Variants in TOP2A observed in about 807,000 individuals in gnomAD.
The protein encoded by TOP2A is DNA topoisomerase II alpha, also known as DNA topoisomerase 2-alpha.
TOP2A carries 68 observed loss-of-function variants against 187.2 expected under a neutral mutation model. That is an observed-to-expected ratio of 0.36 (90% CI 0.30 to 0.44). TOP2A has a LOEUF of 0.44. TOP2A is among the 20% of genes least tolerant of loss of function. The pLI is 1.00. For synonymous variants in TOP2A, 542 were observed against 593.2 expected, an observed-to-expected ratio of 0.91 and a Z score of 1.25; for missense variants, 1,196 against 1,808.7, an observed-to-expected ratio of 0.66 and a Z score of 6.14.
chr17:40,406,947 A>G lies in TOP2A; in HGVS notation c.1627-5T>C, dbSNP rs1211449771. ...GATGTGGGAACCATCTTGGTCCTAGAAAGATTTGAAAGCCAAAGTTCAAAA... is the reference window on the plus strand; with the variant it reads ...GATGTGGGAACCATCTTGGTCCTAGGAAGATTTGAAAGCCAAAGTTCAAAA... On this transcript the variant is annotated splice_polypyrimidine_tract_variant and splice_region_variant and intron_variant, in intron 13 of 34. Coordinates refer to ENST00000423485, the MANE Select transcript of TOP2A (RefSeq NM_001067.4). 6.3e-6 allele frequency: 10 copies of G among 1,575,372 alleles called. No individual in the cohort carries two copies. The highest frequency in any genetic ancestry group is 8.6e-6 in the Non-Finnish European group (10 of 1,157,090).
rs1304562219 is a variant in TOP2A, at chr17:40,389,510, C to T, written c.*9G>A. 1 of 1,578,704 alleles carries T rather than the reference C, an allele frequency of 6.3e-7. No homozygotes were observed. Among genetic ancestry groups the T allele is most frequent in the African/African-American group, 1.3e-5 (1 of 74,204 alleles). On this transcript the variant is annotated 3_prime_UTR_variant, in exon 35 of 35. Transcript: ENST00000423485. ...GTAAGATAATTACTTAAAATAATCG[C>T]CTCACATTTTAAAACAGATCATCTT...
chr17:40,389,439 A>T lies in TOP2A; in HGVS notation c.*80T>A. The T allele has an allele frequency of 6.8e-7, 1 of 1,477,722 alleles. No individual in the cohort carries two copies. Among genetic ancestry groups the T allele is most frequent in the Non-Finnish European group, 9.1e-7 (1 of 1,100,562 alleles). The allele number at this position is 1,477,722 out of a possible 1,614,324, so 91.5% of individuals were successfully genotyped here. A position where few individuals can be genotyped will look rare whatever the true frequency, so the allele number is the denominator to read the frequency against. On this transcript the variant is annotated 3_prime_UTR_variant, in exon 35 of 35. Coordinates refer to ENST00000423485, the MANE Select transcript of TOP2A (RefSeq NM_001067.4). ...CTTCCCCAAACTAAATTCAGAGGGG[A>T]GGAAGTTAAGAGCTTCAGGTAACTT...
rs752800546 is a variant in TOP2A at position 40,416,912 on chromosome 17, AAGAG to A, written c.22-21_22-18del. ...ATTTACAGGCTAGCAATTAAAAAAA[AAGAG>A]AGAAAGAAGGGAATTTTTAATCATA... is the stretch of plus-strand genomic sequence containing the variant. On this transcript the variant is annotated intron_variant, in intron 1 of 34. Transcript: ENST00000423485. 2.5e-5 allele frequency: 39 copies of A among 1,569,496 alleles called. No individual in the cohort carries two copies. In the African/African-American group the frequency reaches 3.7e-4, roughly 15 times the overall value.
In TOP2A at chr17:40,389,984, G is replaced by A. The variant is rs777338287; in HGVS notation, c.4448C>T (p.Ser1483Leu). Reference protein sequence around the residue: ...DSDSNFEKIVSKAVTSKKSKG... With the variant: ...DSDSNFEKIVLKAVTSKKSKG... ...ACTCACCTTGCTTGTGACTGCTTTC[G>A]AAACAATTTTCTCAAAATTAGAGTC... The change falls in exon 34 of 35, where the codon TCG becomes TTG. Residue 1483 changes from serine to leucine, a missense_variant. By Grantham distance (145) the Ser-to-Leu change is moderately radical. Coordinates refer to ENST00000423485, the MANE Select transcript of TOP2A (RefSeq NM_001067.4). 7.4e-6 allele frequency: 12 copies of A among 1,613,282 alleles called. No homozygotes were observed. In the African/African-American group the frequency reaches 9.3e-5, roughly 13 times the overall value.
chr17:40,391,795 T>C (rs2035024814), intron 32 of TOP2A, 155 bp from the exon 33 acceptor site: 8 of 977,316 alleles, frequency 8.2e-6, no homozygotes, highest in Non-Finnish European at 1.2e-5. Flanking sequence ...TTCTAATTTC[T>C]GAATTTTTTA....
At chr17:40,407,064 G>C in intron 13 of TOP2A, 122 bp from the exon 14 acceptor site, 1 of 664,684 alleles carries the variant, frequency 1.5e-6, no homozygotes, top group Non-Finnish European at 2.6e-6. Flanking sequence ...AGGCGTTCGA[G>C]ACCAGCCTGG....
rs767193241 is a variant in TOP2A, at chr17:40,408,811, A to G, written c.1204-181T>C. On this transcript the variant is annotated intron_variant, in intron 10 of 34. Coordinates refer to ENST00000423485, the MANE Select transcript of TOP2A (RefSeq NM_001067.4). The stretch of plus-strand genomic sequence containing the variant: ...CATGTCAGGTTATCACCACTGAGGG[A>G]GCTGCTCCTTTTGGTTCATTCGTTC... The G allele has an allele frequency of 7.0e-6, 5 of 710,140 alleles. No homozygotes were observed. In the South Asian group the frequency reaches 7.5e-5, roughly 11 times the overall value. The allele number at this position is 710,140 out of a possible 1,614,324, so 44.0% of individuals were successfully genotyped here.
intron 17 of TOP2A, 136 bp downstream of exon 17, chr17:40,404,655 A>C: frequency 1.3e-6 from 1 of 744,910 alleles, no homozygotes. Context: ...AGATAAAGCA[A>C]ATTTAACTGC....
chr17:40,414,583 GC>G (rs1185162106), intron 4 of TOP2A, among the ~76,000 whole-genome samples: 1 of 152,078 alleles, frequency 6.6e-6, no homozygotes, highest in Non-Finnish European at 1.5e-5. Flanking sequence ...AGTGGCTCAC[GC>G]CTGTAATCCC....
In TOP2A at chr17:40,390,059, G is replaced by A; in HGVS notation, c.4373C>T (p.Ala1458Val). Reference sequence around the variant, plus strand: ...CCTTTTGCGGCGATTCTTGGTTTTGGCAGGATCAGGCTTTTGAGAGACACC... The same window carrying A: ...CCTTTTGCGGCGATTCTTGGTTTTGACAGGATCAGGCTTTTGAGAGACACC... ...NSGVSQKPDPAKTKNRRKRKP... is the reference protein window; with the variant it reads ...NSGVSQKPDPVKTKNRRKRKP... Residue 1458 changes from alanine (A) to valine (V), a missense_variant, in exon 34 of 35, where the codon GCC becomes GTC. Ala to Val is a moderately conservative substitution (Grantham distance 64, BLOSUM62 0). Around this residue, in one of 10 missense-constraint regions of TOP2A, gnomAD observed 374 missense variants for 403.3 expected, o/e 0.93. Transcript: ENST00000423485. 4 of 1,613,876 alleles carry A rather than the reference G, an allele frequency of 2.5e-6. No individual in the cohort carries two copies. The highest frequency in any genetic ancestry group is 2.5e-6 in the Non-Finnish European group (3 of 1,179,850).
rs774545748 is a variant in TOP2A, at chr17:40,408,463, A to T, written c.1342+29T>A. On this transcript the variant is annotated intron_variant, in intron 11 of 34. Coordinates refer to ENST00000423485, the MANE Select transcript of TOP2A (RefSeq NM_001067.4). Reference sequence around the variant, plus strand: ...AATAAAATAACAACTATAAGACTTAAAAGTTTGGAAACATTATTAAATATA... The same window carrying T: ...AATAAAATAACAACTATAAGACTTATAAGTTTGGAAACATTATTAAATATA... The T allele has an allele frequency of 1.9e-6, 3 of 1,588,036 alleles. No homozygotes were observed. The South Asian group carries it at 3.5e-5, about 18-fold the overall frequency.
intron 21 of TOP2A, 61 bp downstream of exon 21, chr17:40,400,789 C>A: frequency 1.3e-6 from 2 of 1,559,500 alleles, no homozygotes; most frequent in Non-Finnish European, 8.8e-7. Flanking sequence ...TTTAATCATA[C>A]AATCTATTCA....
intron 4 of TOP2A, among the ~76,000 whole-genome samples, chr17:40,415,107 T>C (rs929541583): frequency 6.6e-6 from 1 of 150,502 alleles, no homozygotes; most frequent in Admixed American, 6.6e-5. Context: ...CAGGCTGGAG[T>C]GCAGTGGTGC....
At chr17:40,397,498 C>A (rs919436944) in intron 27 of TOP2A, among the ~76,000 whole-genome samples, 2 of 151,962 alleles carry the variant, frequency 1.3e-5, no homozygotes, top group African/African-American at 4.8e-5. Context: ...GTTGTCCAGG[C>A]TGGTCTCGAA....
intron 20 of TOP2A, among the ~76,000 whole-genome samples, chr17:40,401,571 T>C (rs1364606434): frequency 3.3e-5 from 5 of 151,952 alleles, no homozygotes; most frequent in Non-Finnish European, 7.4e-5. Flanking sequence ...TAGCTGAGCA[T>C]GGTGGCGTGT....
intron 34 of TOP2A, 84 bp from the exon 35 acceptor site, chr17:40,389,731 A>AT: frequency 2.0e-6 from 3 of 1,482,154 alleles, no homozygotes; most frequent in Non-Finnish European, 2.7e-6. Flanking sequence ...AAGACACTAT[A>AT]TTCAAGGAGT....
intron 2 of TOP2A, 46 bp from the exon 3 acceptor site, chr17:40,416,558 T>C (rs1328325086): frequency 6.7e-7 from 1 of 1,490,308 alleles, no homozygotes; most frequent in Non-Finnish European, 9.3e-7. Flanking sequence ...TCTATATTCA[T>C]TGTTCTGTTA....
In TOP2A at chr17:40,394,821, T is replaced by C. The variant is rs546958908; in HGVS notation, c.3811+628A>G. On this transcript the variant is annotated intron_variant, in intron 29 of 34. Coordinates refer to ENST00000423485, the MANE Select transcript of TOP2A (RefSeq NM_001067.4). Reference sequence around the variant, plus strand: ...CTAGAGATACTACAAACATTACTAATATGTAGTCACTTTTCTTAAGAAACT... The same window carrying C: ...CTAGAGATACTACAAACATTACTAACATGTAGTCACTTTTCTTAAGAAACT... 9.2e-5 allele frequency among the ~76,000 whole-genome samples: 14 copies of C among 152,330 alleles called. No individual in the cohort carries two copies. The South Asian group carries it at 2.7e-3, about 29-fold the overall frequency.
At position 40,412,829 on chromosome 17, in the gene TOP2A, A is replaced by G; in HGVS notation, c.719T>C (p.Val240Ala). The change falls in exon 7 of 35, where the codon GTC becomes GCC. Residue 240 changes from valine (V) to alanine (A), a missense_variant. This residue lies in a region of TOP2A where 252 missense variants were observed against 434.8 expected (regional missense o/e 0.58). Coordinates refer to ENST00000423485, the MANE Select transcript of TOP2A (RefSeq NM_001067.4). ...TCCAGCAATATCATATGCTCTTCTG[A>G]CCATTAGTGCAACAATATCTTTGTC... ...SLDKDIVALM[V>A]RRAYDIAGST... The G allele has an allele frequency of 1.9e-6, 3 of 1,613,994 alleles. No homozygotes were observed. The highest frequency in any genetic ancestry group is 2.2e-5 in the East Asian group (1 of 44,874).
Sources: allele counts gnomAD v4.1 joint callset (sites outside exome capture counted in the v4.1 genomes callset), GRCh38; gene constraint gnomAD v4.1.1; regional missense constraint gnomAD v4.1.1; transcripts MANE v1.5; gene names NCBI Gene and HGNC (gene_info 2026-07-23, HGNC 2026-07-21).